The following RPS6KA3 variants were observed in gnomAD, a reference collection of about 807,000 sequenced individuals.
RPS6KA3 encodes the protein ribosomal protein S6 kinase A3.
A neutral mutation model predicts 67.2 loss-of-function variants in RPS6KA3; 4 were observed. That is an observed-to-expected ratio of 0.06 (90% CI 0.03 to 0.14). The LOEUF is 0.14. Ranked by LOEUF, RPS6KA3 falls within the 10% of genes least tolerant of loss-of-function variation. The pLI, the probability that RPS6KA3 is intolerant of heterozygous loss-of-function variation, is 1.00. For missense variants in RPS6KA3, 204 were observed against 559.0 expected (o/e 0.36, Z 6.40); for synonymous variants, 182 against 183.7 (o/e 0.99, Z 0.07).
At chrX:20,236,263 G>A (rs2069408710) in intron 1 of RPS6KA3, among the ~76,000 whole-genome samples, 1 of 111,650 alleles carries the variant, frequency 9.0e-6, no homozygotes, top group South Asian at 3.7e-4. Context: ...CAATGAATAC[G>A]TATTATTTGT....
chrX:20,178,296 C>A (rs1800150827), intron 10 of RPS6KA3, among the ~76,000 whole-genome samples: 1 of 111,353 alleles, frequency 9.0e-6, no homozygotes, highest in African/African-American at 3.3e-5. Flanking sequence ...ACAATTTATT[C>A]ATTTGGCTAG....
chrX:20,162,306 A>T (rs975963472), intron 19 of RPS6KA3, among the ~76,000 whole-genome samples: 44 of 104,437 alleles, frequency 4.2e-4, no homozygotes, highest in Non-Finnish European at 9.8e-5. Context: ...ACTGCACTCC[A>T]GTCTGGGTGA....
chrX:20,263,448 T>G (rs2070289155), intron 1 of RPS6KA3, among the ~76,000 whole-genome samples: 1 of 112,435 alleles, frequency 8.9e-6, no homozygotes. Context: ...GTACCAACCC[T>G]TACTTTGCTT....
At chrX:20,209,992 G>C (rs1351364883) in intron 2 of RPS6KA3, among the ~76,000 whole-genome samples, 1 of 111,691 alleles carries the variant, frequency 9.0e-6, no homozygotes, top group African/African-American at 3.3e-5. Context: ...GATCTGAGAG[G>C]GGAGAAAGGA....
chrX:20,224,137 A>T (rs1229382393), intron 2 of RPS6KA3, among the ~76,000 whole-genome samples: 4 of 111,893 alleles, frequency 3.6e-5, no homozygotes, highest in African/African-American at 6.5e-5. Context: ...TAAGGCTTAA[A>T]GAGAAGTTAA....
Position 20,177,045 on chromosome X carries a change from C to T in RPS6KA3, c.885G>A (p.Ala295=), listed in dbSNP as rs199789130. 2.5e-5 allele frequency: 30 copies of T among 1,206,529 alleles called. No homozygotes were observed. Among genetic ancestry groups the T allele is most frequent in the Admixed American group, 1.3e-4 (6 of 45,777 alleles). The stretch of plus-strand genomic sequence containing the variant: ...TGAAAAGCATTCGTAAAAGACTCTG[C>T]GCTTCAGGACTCAAAAACTGTGGCA... ...LGMPQFLSPE[A]QSLLRMLFKR... The change falls in exon 11 of 22, where the codon GCG becomes GCA. Residue 295 remains alanine, a synonymous_variant. Coordinates refer to ENST00000379565, the MANE Select transcript of RPS6KA3 (RefSeq NM_004586.3).
At chrX:20,196,519 G>C (rs1429307333) in intron 4 of RPS6KA3, among the ~76,000 whole-genome samples, 2 of 112,144 alleles carry the variant, frequency 1.8e-5, no homozygotes, top group African/African-American at 3.2e-5. Context: ...CTTTGGAGGA[G>C]GGAGAAAGTT....
chrX:20,251,736 T>C (rs1008194485), intron 1 of RPS6KA3, among the ~76,000 whole-genome samples: 3 of 113,065 alleles, frequency 2.7e-5, no homozygotes, highest in Non-Finnish European at 5.6e-5. Flanking sequence ...AGAACTATCT[T>C]GCAAAATTGA....
chrX:20,174,781 T>C (rs1461607272), intron 14 of RPS6KA3, among the ~76,000 whole-genome samples: 3 of 109,781 alleles, frequency 2.7e-5, no homozygotes, highest in Non-Finnish European at 5.7e-5. Flanking sequence ...TGAGACAGAG[T>C]TTCAACTCTG....
chrX:20,189,340 T>C (rs1485047367), intron 7 of RPS6KA3, among the ~76,000 whole-genome samples: 1 of 112,581 alleles, frequency 8.9e-6, no homozygotes, highest in Non-Finnish European at 1.9e-5. Flanking sequence ...GAATAAGGCC[T>C]GTTTGCAAAG....
Position 20,193,539 on chromosome X carries a change from A to C in RPS6KA3, c.541T>G (p.Leu181Val). Reference sequence around the variant, plus strand: ...ATTCCCAGGCTATGTAGATGGTCTAAAGCAAGTGCAAGTTCAGCCAAGTAG... The same window carrying C: ...ATTCCCAGGCTATGTAGATGGTCTACAGCAAGTGCAAGTTCAGCCAAGTAG... ...KFYLAELALA[L>V]DHLHSLGIIY... Residue 181 changes from leucine (L) to valine (V), a missense_variant, in exon 7 of 22, where the codon TTA (leucine) becomes GTA (valine). By Grantham distance (32) the Leu-to-Val change is conservative (BLOSUM62 1). Around this residue, in one of 4 missense-constraint regions of RPS6KA3, gnomAD observed 76 missense variants for 250.3 expected, o/e 0.30. Coordinates refer to ENST00000379565, the MANE Select transcript of RPS6KA3 (RefSeq NM_004586.3). 1 of 1,199,689 alleles carries C rather than the reference A, an allele frequency of 8.3e-7. No homozygotes were observed. Among genetic ancestry groups the C allele is most frequent in the South Asian group, 1.8e-5 (1 of 56,532 alleles).
intron 1 of RPS6KA3, among the ~76,000 whole-genome samples, chrX:20,236,126 T>C (rs1470728657): frequency 9.0e-6 from 1 of 111,292 alleles, no homozygotes; most frequent in Non-Finnish European, 1.9e-5. Context: ...TATATTTTTA[T>C]GGGAAAAACT....
At chrX:20,161,509 G>A (rs1603418681) in intron 20 of RPS6KA3, 135 bp downstream of exon 20, 2 of 245,376 alleles carry the variant, frequency 8.2e-6, no homozygotes, top group South Asian at 1.3e-4. Flanking sequence ...GTCCATTTTC[G>A]AGTTCAAATT....
rs1049863115 is a variant in RPS6KA3 at position 20,188,355 on chromosome X, G to T, written c.631+142C>A. On this transcript the variant is annotated intron_variant, in intron 8 of 21. Transcript: ENST00000379565. ...CCTCCCAGAATGCTGGGATTACAGGGGTGAGCCACTACGCCTGGCCCTAAT... is the reference window on the plus strand; with the variant it reads ...CCTCCCAGAATGCTGGGATTACAGGTGTGAGCCACTACGCCTGGCCCTAAT... The T allele has an allele frequency of 5.2e-5, 22 of 425,084 alleles. No homozygotes were observed. In the East Asian group the frequency reaches 6.8e-4, roughly 13 times the overall value. The allele number at this position is 425,084 out of a possible 1,213,427, so 35.0% of individuals were successfully genotyped here. A position where few individuals can be genotyped will look rare whatever the true frequency, so the allele number is the denominator to read the frequency against.
Position 20,251,384 on chromosome X carries a change from C to T in RPS6KA3, c.69+15180G>A, listed in dbSNP as rs1362930006. The stretch of plus-strand genomic sequence containing the variant: ...CTCGAACTCCTGGGCTCAAGCAATC[C>T]TCTTGCCTTGGCCTCCCAAAGTGCT... On this transcript the variant is annotated intron_variant, in intron 1 of 21. Transcript: ENST00000379565. Among the ~76,000 whole-genome samples, 7 of 112,938 alleles carry T rather than the reference C, an allele frequency of 6.2e-5. No homozygotes were observed. In the East Asian group the frequency reaches 1.7e-3, roughly 27 times the overall value.
intron 13 of RPS6KA3, 138 bp from the exon 14 acceptor site, chrX:20,175,426 T>C (rs1205366936): frequency 8.4e-6 from 5 of 596,314 alleles, no homozygotes; most frequent in Non-Finnish European, 1.4e-5. Flanking sequence ...CTTTCCAGGA[T>C]ACCTGTGAGG....
At chrX:20,199,932 T>A (rs2068379851) in intron 4 of RPS6KA3, among the ~76,000 whole-genome samples, 1 of 111,952 alleles carries the variant, frequency 8.9e-6, no homozygotes, top group African/African-American at 3.2e-5. Context: ...ATAAACTAAG[T>A]GACAGGCGGT....
chrX:20,204,303 A>G (rs899199788), intron 3 of RPS6KA3, among the ~76,000 whole-genome samples, 200 bp from the exon 4 acceptor site: 7 of 111,801 alleles, frequency 6.3e-5, no homozygotes, highest in Admixed American at 1.9e-4. Context: ...AAGGGAATAC[A>G]TTTTTTTCAT....
intron 14 of RPS6KA3, among the ~76,000 whole-genome samples, chrX:20,174,184 T>A (rs1046978954): frequency 9.0e-6 from 1 of 111,075 alleles, no homozygotes; most frequent in African/African-American, 3.3e-5. Context: ...GTCTGCCGAC[T>A]CCTGTTCTAA....
Sources: allele counts gnomAD v4.1 joint callset (sites outside exome capture counted in the v4.1 genomes callset), GRCh38; gene constraint gnomAD v4.1.1; regional missense constraint gnomAD v4.1.1; transcripts MANE v1.5; gene names NCBI Gene and HGNC (gene_info 2026-07-23, HGNC 2026-07-21).